Variants in LRRC53 observed in about 807,000 individuals in gnomAD.
LRRC53 encodes the protein leucine-rich repeat-containing protein 53.
Under a neutral mutation model 13.6 loss-of-function variants are expected in LRRC53, and 25 were observed. The ratio of observed to expected loss-of-function variants is 1.83; its 90% CI spans 1.34 to 2.56. The LOEUF (loss-of-function observed/expected upper bound fraction) is 2.56. Among genes scored for constraint, LRRC53 ranks in the 30% most tolerant of loss-of-function variants. LRRC53 has a pLI of 0.00. For synonymous variants in LRRC53, 204 were observed against 109.8 expected (o/e 1.86, Z -5.37); for missense variants, 527 against 275.8 (o/e 1.91, Z -6.45).
rs1668139750 is a variant in LRRC53 at position 74,475,301 on chromosome 1, T to G, written c.1414A>C (p.Thr472Pro). The G allele has an allele frequency of 1.4e-5, 9 of 655,062 alleles. No homozygotes were observed. The highest frequency in any genetic ancestry group is 2.5e-5 in the Non-Finnish European group (9 of 357,306). 40.6% of individuals were successfully genotyped at this position (655,062 alleles called of 1,614,324 possible). ...TAAAACAAGACAAACTCACCTTCTG[T>G]TCTTATTATATGGTGTTGCAGAGTT... ...PQTLQHHIIR[T>P]EDISSDIFRR... Residue 472 changes from threonine (T) to proline (P), a missense_variant, in exon 4 of 5, where the codon ACA (threonine) becomes CCA (proline). Thr to Pro is a conservative substitution (Grantham distance 38). Coordinates refer to ENST00000294635, the MANE Select transcript of LRRC53 (RefSeq NM_001382280.1).
At chr1:74,514,453 G>C (rs1229487606), upstream of LRRC53, among the ~76,000 whole-genome samples, 1 of 152,158 alleles carries the variant, frequency 6.6e-6, no homozygotes, top group Non-Finnish European at 1.5e-5. Flanking sequence ...AGAAATTGCT[G>C]TTGTTCTCTA....
chr1:74,484,267 G>A (rs1570683528), intron 1 of LRRC53, among the ~76,000 whole-genome samples: 1 of 146,916 alleles, frequency 6.8e-6, no homozygotes, highest in Non-Finnish European at 1.5e-5. Flanking sequence ...TATATAATAA[G>A]ATAGTTTGAG....
chr1:74,533,573 A>C, the LRRC53 span, among the ~76,000 whole-genome samples: 1 of 140,386 alleles, frequency 7.1e-6, no homozygotes, highest in African/African-American at 2.7e-5. Context: ...TATATACCCA[A>C]AGGACTATAA....
intron 1 of LRRC53, among the ~76,000 whole-genome samples, chr1:74,507,324 T>C (rs1570717137): frequency 6.7e-6 from 1 of 149,318 alleles, no homozygotes; most frequent in East Asian, 2.1e-4. Flanking sequence ...CTAAATACCC[T>C]CAACTAGTTA....
chr1:74,505,284 A>G (rs1346743744), intron 1 of LRRC53, among the ~76,000 whole-genome samples: 3 of 152,190 alleles, frequency 2.0e-5, no homozygotes, highest in African/African-American at 4.8e-5. Context: ...CGGCCTAATT[A>G]AATCTATACA....
intron 1 of LRRC53, among the ~76,000 whole-genome samples, chr1:74,488,578 G>A (rs573651251): frequency 2.6e-5 from 4 of 152,216 alleles, no homozygotes; most frequent in African/African-American, 9.6e-5. Flanking sequence ...TATATCCCTT[G>A]CAACTGGAAC....
chr1:74,475,261 C>A, intron 4 of LRRC53, 34 bp downstream of exon 4: 1 of 616,432 alleles, frequency 1.6e-6, no homozygotes, highest in East Asian at 2.8e-5. Flanking sequence ...AAGAATTAAA[C>A]GGAGTGGGAT....
upstream of LRRC53, among the ~76,000 whole-genome samples, chr1:74,515,067 C>A (rs1646329858): frequency 6.6e-6 from 1 of 152,184 alleles, no homozygotes; most frequent in Non-Finnish European, 1.5e-5. Context: ...AGGACATGGG[C>A]ACAGAATTTT....
intron 1 of LRRC53, among the ~76,000 whole-genome samples, chr1:74,484,717 G>C (rs890061952): frequency 6.6e-6 from 1 of 152,082 alleles, no homozygotes; most frequent in Non-Finnish European, 1.5e-5. Context: ...AGGAAGAGTA[G>C]GGCACAGAAT....
chr1:74,501,307 C>G (rs1669612545), intron 1 of LRRC53, among the ~76,000 whole-genome samples: 1 of 152,130 alleles, frequency 6.6e-6, no homozygotes, highest in East Asian at 1.9e-4. Context: ...AATTTATATT[C>G]CAGTTCTAGA....
upstream of LRRC53, among the ~76,000 whole-genome samples, chr1:74,513,639 C>T (rs574302230): frequency 6.6e-6 from 1 of 152,322 alleles, no homozygotes; most frequent in African/African-American, 2.4e-5. Flanking sequence ...CATCTTGTCA[C>T]TTGCGTAACT....
At chr1:74,481,111 T>G (rs1298621088) in intron 2 of LRRC53, 143 bp from the exon 3 acceptor site, 1 of 575,212 alleles carries the variant, frequency 1.7e-6, no homozygotes, top group African/African-American at 1.9e-5. Context: ...ATGAAAATGA[T>G]TTTCTGATTT....
chr1:74,479,723 A>G (rs1452804746), intron 3 of LRRC53, among the ~76,000 whole-genome samples: 1 of 152,240 alleles, frequency 6.6e-6, no homozygotes, highest in Non-Finnish European at 1.5e-5. Flanking sequence ...CACAAATGTA[A>G]GTGCCTTGAG....
In LRRC53 at chr1:74,471,780, A is replaced by T. The variant is rs1028429241; in HGVS notation, c.1842T>A (p.Leu614=). Residue 614 remains leucine, a synonymous_variant, in exon 5 of 5, where the codon CTT becomes CTA. Coordinates refer to ENST00000294635, the MANE Select transcript of LRRC53 (RefSeq NM_001382280.1). ...ATAAATCTATGTTGTCCTCACTCAT[A>T]AGAAATTTTTCTATTGCACTGTTAA... ...IQINSAIEKF[L]MSEDNIDLSG... The T allele has an allele frequency of 2.4e-6, 1 of 420,186 alleles. No individual in the cohort carries two copies. The highest frequency in any genetic ancestry group is 4.2e-6 in the Non-Finnish European group (1 of 238,130). The allele number at this position is 420,186 out of a possible 1,614,324, so 26.0% of individuals were successfully genotyped here. A position where few individuals can be genotyped will look rare whatever the true frequency, so the allele number is the denominator to read the frequency against.
intron 1 of LRRC53, among the ~76,000 whole-genome samples, chr1:74,484,678 G>T (rs74726753): frequency 0.019 from 2,925 of 152,204 alleles, 95 homozygotes; most frequent in African/African-American, 0.067. Context: ...TGAGGAGGTT[G>T]GTGTGATGAC....
At chr1:74,502,507 T>A (rs943405854) in intron 1 of LRRC53, among the ~76,000 whole-genome samples, 1 of 152,238 alleles carries the variant, frequency 6.6e-6, no homozygotes, top group Non-Finnish European at 1.5e-5. Context: ...TTTCATTACA[T>A]CATGCTATCT....
chr1:74,521,693 G>A, the LRRC53 span, among the ~76,000 whole-genome samples: 4 of 152,160 alleles, frequency 2.6e-5, no homozygotes, highest in African/African-American at 9.7e-5. Flanking sequence ...TTCTCGCAGA[G>A]TTGGTGAACA....
rs965436590 is a variant in LRRC53, at chr1:74,471,673, C to T, written c.1949G>A (p.Arg650Lys). 7 of 400,718 alleles carry T rather than the reference C, an allele frequency of 1.7e-5. No homozygotes were observed. Among genetic ancestry groups the T allele is most frequent in the Non-Finnish European group, 2.7e-5 (6 of 226,290 alleles). 24.8% of individuals were successfully genotyped at this position (400,718 alleles called of 1,614,324 possible). A position where few individuals can be genotyped will look rare whatever the true frequency, so the allele number is the denominator to read the frequency against. The change falls in exon 5 of 5, where the codon AGG becomes AAG. Residue 650 changes from arginine to lysine, a missense_variant. Arg to Lys is a conservative substitution (Grantham distance 26). Transcript: ENST00000294635. The part of the protein sequence containing the change: ...FHDPDLVEIN[R>K]SMMSPKISTP... ...TGATATTTTGGGTGACATCATCGAC[C>T]TATTTATTTCTACTAAATCAGGATC...
chr1:74,514,162 G>T (rs1299095404), upstream of LRRC53, among the ~76,000 whole-genome samples: 1 of 152,154 alleles, frequency 6.6e-6, no homozygotes, highest in Non-Finnish European at 1.5e-5. Context: ...ATTTTATAGA[G>T]CATTTAAAGC....
Sources: gnomAD v4.1 joint callset for allele counts (sites outside exome capture counted in the v4.1 genomes callset) on GRCh38, gnomAD v4.1.1 for gene constraint, MANE v1.5 for transcripts, NCBI Gene and HGNC (gene_info 2026-07-23, HGNC 2026-07-21) for gene names.